ABI1: variants seen among roughly 807,000 people sequenced by gnomAD.
ABI1 encodes the protein abl interactor 1.
In ABI1, 14 loss-of-function variants were observed where a neutral mutation model predicts 54.6. That is an observed-to-expected ratio of 0.26 (90% CI 0.17 to 0.40). ABI1 has a LOEUF of 0.40. ABI1 is among the 10% of genes least tolerant of loss of function. The probability of loss-of-function intolerance (pLI) is 1.00; values close to 1 mark genes in which losing one functional copy is unlikely to be tolerated. For missense variants in ABI1, 443 were observed against 598.3 expected, an observed-to-expected ratio of 0.74 and a Z score of 2.71; for synonymous variants, 194 against 209.3, an observed-to-expected ratio of 0.93 and a Z score of 0.63.
intron 1 of ABI1, among the ~76,000 whole-genome samples, chr10:26,855,220 G>A (rs1352537605): frequency 6.6e-6 from 1 of 152,174 alleles, no homozygotes; most frequent in East Asian, 1.9e-4. Context: ...GGTGATATAG[G>A]CAAGTCCCTA....
intron 1 of ABI1, among the ~76,000 whole-genome samples, chr10:26,825,361 GA>G (rs1163798925): frequency 2.6e-5 from 4 of 151,410 alleles, no homozygotes; most frequent in South Asian, 2.1e-4. Context: ...CCCTGTCTCT[GA>G]AAAAAAAATT....
chr10:26,809,248 C>T (rs1339295289), intron 2 of ABI1, among the ~76,000 whole-genome samples: 3 of 149,350 alleles, frequency 2.0e-5, no homozygotes, highest in East Asian at 2.0e-4. Flanking sequence ...CCAGACTGGG[C>T]GACAGAGTGA....
At chr10:26,844,726 C>T (rs892795988) in intron 1 of ABI1, among the ~76,000 whole-genome samples, 3 of 152,336 alleles carry the variant, frequency 2.0e-5, no homozygotes, top group Admixed American at 6.5e-5. Flanking sequence ...CTTCTGTAGG[C>T]GCATTAGCTT....
chr10:26,784,214 T>C (rs958257296), intron 2 of ABI1, among the ~76,000 whole-genome samples: 2 of 152,218 alleles, frequency 1.3e-5, no homozygotes, highest in African/African-American at 4.8e-5. Flanking sequence ...TACTCAATCA[T>C]CATTCTCCTT....
intron 5 of ABI1, 38 bp downstream of exon 5, chr10:26,770,207 C>G: frequency 1.3e-6 from 2 of 1,529,536 alleles, no homozygotes; most frequent in Non-Finnish European, 9.1e-7. Context: ...TTTCCTTTAG[C>G]ATATGAATTC....
At chr10:26,840,586 A>G (rs1454608278) in intron 1 of ABI1, among the ~76,000 whole-genome samples, 1 of 152,182 alleles carries the variant, frequency 6.6e-6, no homozygotes, top group Non-Finnish European at 1.5e-5. Flanking sequence ...TACCTGACAA[A>G]TTACGTGTAT....
At chr10:26,820,019 C>CA (rs1046697078) in intron 2 of ABI1, among the ~76,000 whole-genome samples, 7 of 152,092 alleles carry the variant, frequency 4.6e-5, no homozygotes, top group Non-Finnish European at 1.0e-4. Flanking sequence ...TGGTAGTTGT[C>CA]AGAGACTAGG....
In ABI1 at chr10:26,747,498, CTG is replaced by C. The variant is rs1212631931; in HGVS notation, c.*1070_*1071del. The C allele has an allele frequency of 2.4e-5, 5 of 208,844 alleles. No individual in the cohort carries two copies. Among genetic ancestry groups the C allele is most frequent in the Non-Finnish European group, 4.9e-5 (5 of 102,554 alleles). 12.9% of individuals were successfully genotyped at this position (208,844 alleles called of 1,614,324 possible). A position where few individuals can be genotyped will look rare whatever the true frequency, so the allele number is the denominator to read the frequency against. On this transcript the variant is annotated 3_prime_UTR_variant, in exon 11 of 11. Transcript: ENST00000376140. ...TAAAGAGTGCCTACTCACAAATCAA[CTG>C]TATCCACTTTTACAATATGTAAAAG...
At chr10:26,824,096 A>G (rs1424319358) in intron 1 of ABI1, among the ~76,000 whole-genome samples, 1 of 152,156 alleles carries the variant, frequency 6.6e-6, no homozygotes, top group Admixed American at 6.5e-5. Flanking sequence ...CACAGAAAAA[A>G]AAAATGGAAC....
chr10:26,816,659 C>T (rs2047582628), intron 2 of ABI1, among the ~76,000 whole-genome samples: 2 of 152,162 alleles, frequency 1.3e-5, no homozygotes, highest in African/African-American at 4.8e-5. Flanking sequence ...ATTCTCAATA[C>T]CTCGAATGTT....
intron 2 of ABI1, among the ~76,000 whole-genome samples, chr10:26,797,194 G>T (rs1252952660): frequency 1.4e-4 from 21 of 152,184 alleles, no homozygotes; most frequent in Non-Finnish European, 1.5e-5. Context: ...ATAACAAGTA[G>T]ATTCTAAAAC....
At chr10:26,762,161 C>T (rs969203382) in intron 7 of ABI1, among the ~76,000 whole-genome samples, 1 of 152,122 alleles carries the variant, frequency 6.6e-6, no homozygotes, top group Non-Finnish European at 1.5e-5. Flanking sequence ...CATGCATCAC[C>T]ATGCCCGGCT....
At chr10:26,830,532 ATCAGTTGGGCCAGGGAGGTTGAGGCT>A (rs2133902395) in intron 1 of ABI1, among the ~76,000 whole-genome samples, 1 of 151,156 alleles carries the variant, frequency 6.6e-6, no homozygotes, top group African/African-American at 2.4e-5. Context: ...AGGTGGGAGG[ATCAGTTGGGCCAGGGAGGTTGAGGCT>A]GCAATGAGCT....
intron 7 of ABI1, among the ~76,000 whole-genome samples, chr10:26,762,806 T>C (rs976086704): frequency 1.3e-5 from 2 of 152,192 alleles, no homozygotes; most frequent in Non-Finnish European, 2.9e-5. Flanking sequence ...TGAGAACTAG[T>C]GCTCTAGGGT....
At chr10:26,836,188 A>G (rs10829087) in intron 1 of ABI1, among the ~76,000 whole-genome samples, 1 of 151,462 alleles carries the variant, frequency 6.6e-6, no homozygotes, top group Non-Finnish European at 1.5e-5. Context: ...TCTCAGCTCA[A>G]TGCAACCTCC....
In ABI1 at chr10:26,791,688, G is replaced by T. The variant is rs187650766; in HGVS notation, c.286-14447C>A. Reference sequence around the variant, plus strand: ...AAATGGACCAATACAACAGAAGAGAGAATTCAGAAAAAAAATCATGCTTAT... The same window carrying T: ...AAATGGACCAATACAACAGAAGAGATAATTCAGAAAAAAAATCATGCTTAT... On this transcript the variant is annotated intron_variant, in intron 2 of 10. Coordinates refer to ENST00000376140, the MANE Select transcript of ABI1 (RefSeq NM_001012750.3). 2.6e-5 allele frequency among the ~76,000 whole-genome samples: 4 copies of T among 151,968 alleles called. No individual in the cohort carries two copies. In the East Asian group the frequency reaches 7.7e-4, roughly 29 times the overall value.
chr10:26,840,579 C>T (rs2049424356), intron 1 of ABI1, among the ~76,000 whole-genome samples: 2 of 152,136 alleles, frequency 1.3e-5, no homozygotes, highest in East Asian at 3.9e-4. Flanking sequence ...ATGACACTAC[C>T]TGACAAATTA....
Position 26,746,834 on chromosome 10 carries a change from G to A in ABI1, c.*1736C>T. The A allele has an allele frequency of 2.7e-6, 1 of 369,678 alleles. No homozygotes were observed. Among genetic ancestry groups the A allele is most frequent in the Non-Finnish European group, 5.1e-6 (1 of 197,128 alleles). The allele number at this position is 369,678 out of a possible 1,614,324, so 22.9% of individuals were successfully genotyped here. ...TGATTTACCGTAGGAGTAAAGGTCA[G>A]AAAAATGTGAAGTCTGCATTGAAGT... On this transcript the variant is annotated 3_prime_UTR_variant, in exon 11 of 11. Coordinates refer to ENST00000376140, the MANE Select transcript of ABI1 (RefSeq NM_001012750.3).
intron 8 of ABI1, among the ~76,000 whole-genome samples, chr10:26,756,132 T>C (rs903638436): frequency 1.3e-5 from 2 of 152,208 alleles, no homozygotes; most frequent in Non-Finnish European, 2.9e-5. Context: ...TTCCAGAATA[T>C]TGTGTCTTTG....
Sources: allele counts gnomAD v4.1 joint callset (sites outside exome capture counted in the v4.1 genomes callset), GRCh38; gene constraint gnomAD v4.1.1; transcripts MANE v1.5; gene names NCBI Gene and HGNC (gene_info 2026-07-23, HGNC 2026-07-21).